CDC20B: variants seen among roughly 807,000 people sequenced by gnomAD.
CDC20B encodes the protein cell division cycle 20B, also known as cell division cycle protein 20 homolog B.
A neutral mutation model predicts 64.1 loss-of-function variants in CDC20B; 58 were observed. That is an observed-to-expected ratio of 0.90 (90% CI 0.73 to 1.13). CDC20B has a LOEUF of 1.13. CDC20B is among the 50% of genes most tolerant of loss of function. CDC20B has a pLI of 0.00. For missense variants in CDC20B, 597 were observed against 633.0 expected (o/e 0.94, Z 0.61); for synonymous variants, 243 against 230.6 (o/e 1.05, Z -0.49).
intron 2 of CDC20B, among the ~76,000 whole-genome samples, chr5:55,156,664 AG>A (rs1204809960): frequency 6.6e-6 from 1 of 152,162 alleles, no homozygotes; most frequent in Non-Finnish European, 1.5e-5. Context: ...TCACGAGATC[AG>A]GAGTTCATGA....
At chr5:55,129,470 A>G in intron 6 of CDC20B, among the ~76,000 whole-genome samples, 1 of 152,190 alleles carries the variant, frequency 6.6e-6, no homozygotes, top group Non-Finnish European at 1.5e-5. Flanking sequence ...GACTCTGACA[A>G]AAAGGCCACC....
intron 2 of CDC20B, chr5:55,160,938 A>ATT: frequency 6.4e-7 from 1 of 1,561,378 alleles, no homozygotes; most frequent in African/African-American, 1.4e-5. Context: ...TACTTGCAGA[A>ATT]TTTTTTAAAA....
At chr5:55,146,179 T>G (rs1238431542) in intron 3 of CDC20B, among the ~76,000 whole-genome samples, 2 of 152,138 alleles carry the variant, frequency 1.3e-5, no homozygotes, top group Non-Finnish European at 2.9e-5. Context: ...AAAGCCTAAC[T>G]TAGCTGAGTC....
At chr5:55,140,008 C>T (rs1743287417) in intron 5 of CDC20B, among the ~76,000 whole-genome samples, 1 of 151,894 alleles carries the variant, frequency 6.6e-6, no homozygotes, top group African/African-American at 2.4e-5. Flanking sequence ...GCCTGAGCAA[C>T]ACCAAAAACA....
At chr5:55,160,369 T>C (rs761741915) in intron 2 of CDC20B, 1 of 1,612,886 alleles carries the variant, frequency 6.2e-7, no homozygotes, top group Non-Finnish European at 8.5e-7. Context: ...AAGGAAGAAC[T>C]GTTTCTCTGG....
chr5:55,143,617 G>T lies in CDC20B; in HGVS notation c.382C>A (p.Pro128Thr). 1.2e-6 allele frequency: 2 copies of T among 1,604,762 alleles called. No homozygotes were observed. Among genetic ancestry groups the T allele is most frequent in the Non-Finnish European group, 8.5e-7 (1 of 1,175,568 alleles). Residue 128 changes from proline to threonine, a missense_variant, in exon 4 of 12, where the codon CCC (proline) becomes ACC (threonine). By Grantham distance (38) the Pro-to-Thr change is conservative (BLOSUM62 -1). Transcript: ENST00000381375. ...CTTGTTTCAGAAATTCCTTTGCTGG[G>T]GGTCTTCAGTTGTTCTTTGCGGGAT... ...LGSRKEQLKTPSKGISETSNS... is the reference protein window; with the variant it reads ...LGSRKEQLKTTSKGISETSNS...
intron 2 of CDC20B, among the ~76,000 whole-genome samples, chr5:55,147,216 G>T: frequency 1.1e-5 from 1 of 92,472 alleles, no homozygotes; most frequent in Non-Finnish European, 2.2e-5. Flanking sequence ...AATATGTTAT[G>T]TTTTATATAT....
intron 5 of CDC20B, among the ~76,000 whole-genome samples, chr5:55,138,101 A>G (rs926237977): frequency 7.3e-5 from 11 of 151,198 alleles, no homozygotes; most frequent in African/African-American, 2.7e-4. Context: ...AAAAATGACA[A>G]TTTTTTAATT....
At chr5:55,140,017 C>CA (rs1743287963) in intron 5 of CDC20B, among the ~76,000 whole-genome samples, 1 of 151,714 alleles carries the variant, frequency 6.6e-6, no homozygotes, top group African/African-American at 2.4e-5. Context: ...ACACCAAAAA[C>CA]AAAAAAGTCA....
intron 5 of CDC20B, among the ~76,000 whole-genome samples, chr5:55,139,894 G>T (rs1055884478): frequency 2.6e-5 from 4 of 152,046 alleles, no homozygotes; most frequent in African/African-American, 9.7e-5. Flanking sequence ...AGGCATGGTG[G>T]TGCATGCCTA....
intron 5 of CDC20B, chr5:55,137,658 A>G (rs750085969): frequency 4.4e-6 from 2 of 456,752 alleles, no homozygotes; most frequent in South Asian, 3.1e-5. Context: ...GGAGAGACAT[A>G]GGTAAGTCAA....
chr5:55,158,924 G>T lies in CDC20B; in HGVS notation c.127-12068C>A, dbSNP rs188746675. On this transcript the variant is annotated intron_variant, in intron 2 of 11. Coordinates refer to ENST00000381375, the MANE Select transcript of CDC20B (RefSeq NM_001170402.1). The stretch of plus-strand genomic sequence containing the variant: ...GCCCAAGTAGAGGTGGGTTTTGCAG[G>T]GTTTGTTTGTTTTCAGGGATTTTTT... 2.0e-5 allele frequency among the ~76,000 whole-genome samples: 3 copies of T among 152,060 alleles called. No individual in the cohort carries two copies. The East Asian group carries it at 5.8e-4, about 29-fold the overall frequency.
At chr5:55,128,260 T>TAAA (rs372856760) in intron 7 of CDC20B, among the ~76,000 whole-genome samples, 161 bp downstream of exon 7, 9 of 109,566 alleles carry the variant, frequency 8.2e-5, no homozygotes, top group Non-Finnish European at 1.6e-4. Flanking sequence ...AACCATTCAG[T>TAAA]AAAAAAAAAA....
rs1269127646 is a variant in CDC20B, at chr5:55,128,673, C to G, written c.698-56G>C. 3.6e-5 allele frequency: 46 copies of G among 1,290,542 alleles called. 3 individuals carry two copies. In the South Asian group the frequency reaches 6.9e-4, roughly 19 times the overall value. The allele number at this position is 1,290,542 out of a possible 1,614,324, so 79.9% of individuals were successfully genotyped here. On this transcript the variant is annotated intron_variant, in intron 6 of 11. Transcript: ENST00000381375. ...TTATACAGCCACATGAAAACATGTT[C>G]AAATAAACAACTTTATAGGTAGGGG... is the stretch of plus-strand genomic sequence containing the variant.
At chr5:55,149,328 T>G (rs539269812) in intron 2 of CDC20B, among the ~76,000 whole-genome samples, 1 of 152,286 alleles carries the variant, frequency 6.6e-6, no homozygotes, top group South Asian at 2.1e-4. Context: ...CTCAAAAAGA[T>G]AAACCTAGAA....
intron 9 of CDC20B, among the ~76,000 whole-genome samples, chr5:55,123,226 G>T (rs1742799259): frequency 1.3e-5 from 2 of 152,036 alleles, no homozygotes; most frequent in Non-Finnish European, 2.9e-5. Flanking sequence ...ATAAGTTAAA[G>T]TTCCCTGCTT....
chr5:55,125,679 C>T (rs1580340137), intron 8 of CDC20B, among the ~76,000 whole-genome samples: 2 of 152,292 alleles, frequency 1.3e-5, no homozygotes. Flanking sequence ...AGATAATGAA[C>T]GCTTTCTGGA....
At chr5:55,132,147 T>C (rs1319130912) in intron 6 of CDC20B, among the ~76,000 whole-genome samples, 2 of 152,224 alleles carry the variant, frequency 1.3e-5, no homozygotes, top group Non-Finnish European at 1.5e-5. Context: ...TTTTTTAACA[T>C]TTTTTGAAAA....
intron 2 of CDC20B, among the ~76,000 whole-genome samples, chr5:55,157,229 T>C (rs926982290): frequency 2.0e-5 from 3 of 152,206 alleles, no homozygotes; most frequent in Admixed American, 1.3e-4. Flanking sequence ...TTTTGATATA[T>C]GTATAGTCTG....
Sources: allele counts gnomAD v4.1 joint callset (sites outside exome capture counted in the v4.1 genomes callset), GRCh38; gene constraint gnomAD v4.1.1; transcripts MANE v1.5; gene names NCBI Gene and HGNC (gene_info 2026-07-23, HGNC 2026-07-21).